The following PCLO variants were observed in gnomAD, a reference collection of about 807,000 sequenced individuals.
PCLO encodes the protein piccolo presynaptic cytomatrix protein.
In PCLO, 82 loss-of-function variants were observed where a neutral mutation model predicts 427.5. The observed-to-expected ratio is 0.19, with a 90% CI of 0.16 to 0.23. The LOEUF is 0.23. Ranked by LOEUF, PCLO falls within the 10% of genes least tolerant of loss-of-function variation. The pLI, the probability that PCLO is intolerant of heterozygous loss-of-function variation, is 1.00. For missense variants in PCLO, 6,239 were observed against 6,115.9 expected, an observed-to-expected ratio of 1.02 and a Z score of -0.67; for synonymous variants, 2,357 against 2,155.4, an observed-to-expected ratio of 1.09 and a Z score of -2.59.
At chr7:82,929,090 A>G (rs988882413) in intron 6 of PCLO, among the ~76,000 whole-genome samples, 3 of 152,146 alleles carry the variant, frequency 2.0e-5, no homozygotes, top group African/African-American at 7.2e-5. Context: ...TCTAAGGGTC[A>G]AGAGCAAGAA....
chr7:82,955,459 G>A lies in PCLO; in HGVS notation c.5494C>T (p.Pro1832Ser). The change falls in exon 5 of 25, where the codon CCC becomes TCC. Residue 1832 changes from proline (P) to serine (S), a missense_variant. This residue lies in a region of PCLO where 4,677 missense variants were observed against 4,468.4 expected (regional missense o/e 1.05). Coordinates refer to ENST00000333891, the MANE Select transcript of PCLO (RefSeq NM_033026.6). The stretch of plus-strand genomic sequence containing the variant: ...TCTGTCGGAGATGCATCTTCAATGG[G>A]AGAGAGATTACTAGGTGGTGTCTTT... ...RPKTPPSNLS[P>S]IEDASPTEEL... 1.9e-6 allele frequency: 3 copies of A among 1,613,614 alleles called. No homozygotes were observed. Among genetic ancestry groups the A allele is most frequent in the South Asian group, 1.1e-5 (1 of 90,984 alleles).
In PCLO at chr7:82,950,732, A is replaced by G. The variant is rs749093553; in HGVS notation, c.9856T>C (p.Leu3286=). 3.8e-5 allele frequency: 62 copies of G among 1,613,616 alleles called. No homozygotes were observed. The highest frequency in any genetic ancestry group is 3.7e-4 in the Admixed American group (22 of 59,976). Residue 3286 remains leucine, a synonymous_variant, in exon 6 of 25, where the codon TTA becomes CTA. Coordinates refer to ENST00000333891, the MANE Select transcript of PCLO (RefSeq NM_033026.6). ...TCAAGCTGTAACTGTTGCTGAGCTA[A>G]CGTCTCCTGCCTCATCATGAACTGG... ...QAQFMMRQET[L]AQQQLQLEQI... is the part of the protein sequence containing the mutation.
chr7:82,837,977 G>A (rs888724634), intron 15 of PCLO, among the ~76,000 whole-genome samples: 3 of 151,920 alleles, frequency 2.0e-5, no homozygotes, highest in African/African-American at 7.2e-5. Context: ...TTGAAAGGCT[G>A]ATTTGCTCTC....
In PCLO at chr7:82,965,935, C is replaced by T. The variant is rs367853005; in HGVS notation, c.3853G>A (p.Val1285Met). The T allele has an allele frequency of 5.6e-6, 9 of 1,613,786 alleles. No homozygotes were observed. In the African/African-American group the frequency reaches 1.1e-4, roughly 19 times the overall value. Reference protein sequence around the residue: ...KLEGRVAPKTVQEGKQPQTKM... With the variant: ...KLEGRVAPKTMQEGKQPQTKM... ...GTCTGTGGTTGTTTCCCTTCTTGCA[C>T]TGTCTTTGGAGCCACTCTGCCTTCA... Residue 1285 changes from valine to methionine, a missense_variant, in exon 4 of 25, where the codon GTG becomes ATG. Around this residue, in one of 5 missense-constraint regions of PCLO, gnomAD observed 4,677 missense variants for 4,468.4 expected, o/e 1.05. Coordinates refer to ENST00000333891, the MANE Select transcript of PCLO (RefSeq NM_033026.6).
rs1344183459 is a variant in PCLO at position 82,915,719 on chromosome 7, T to C, written c.12267A>G (p.Gln4089=). ...LLRTTETRRS[Q]EVTDFLAPLQ... ...AAGGTGCTAGGAAATCTGTCACTTCTTGAGACCGGCGTGTCTCAGTGGTTC... is the reference window on the plus strand; with the variant it reads ...AAGGTGCTAGGAAATCTGTCACTTCCTGAGACCGGCGTGTCTCAGTGGTTC... Residue 4089 remains glutamine, a synonymous_variant, in exon 7 of 25, where the codon CAA becomes CAG. Coordinates refer to ENST00000333891, the MANE Select transcript of PCLO (RefSeq NM_033026.6). The C allele has an allele frequency of 2.5e-6, 4 of 1,612,504 alleles. No individual in the cohort carries two copies. Among genetic ancestry groups the C allele is most frequent in the South Asian group, 1.1e-5 (1 of 90,988 alleles).
In PCLO at chr7:82,950,765, G is replaced by A. The variant is rs564276746; in HGVS notation, c.9823C>T (p.Arg3275Trp). ...TGCCTCATCATGAACTGGGCTTGCC[G>A]CTCTTCTTCTTGCTGAAAGAGAAGG... ...QHLLFQQEEE[R>W]QAQFMMRQET... The change falls in exon 6 of 25, where the codon CGG becomes TGG. Residue 3275 changes from arginine (R) to tryptophan (W), a missense_variant. By Grantham distance (101) the Arg-to-Trp change is moderately radical. Transcript: ENST00000333891. 23 of 1,613,750 alleles carry A rather than the reference G, an allele frequency of 1.4e-5. No individual in the cohort carries two copies. Among genetic ancestry groups the A allele is most frequent in the East Asian group, 4.5e-5 (2 of 44,836 alleles).
intron 3 of PCLO, among the ~76,000 whole-genome samples, chr7:82,974,986 C>T (rs1583861153): frequency 6.6e-6 from 1 of 152,116 alleles, no homozygotes; most frequent in East Asian, 1.9e-4. Context: ...ACCGTATTAG[C>T]CAGGATTGTC....
chr7:82,902,580 A>G, intron 9 of PCLO, 71 bp downstream of exon 9: 1 of 844,462 alleles, frequency 1.2e-6, no homozygotes, highest in Non-Finnish European at 1.9e-6. Flanking sequence ...GTATAATAAT[A>G]AAAAAATGCA....
In PCLO at chr7:83,155,517, T is replaced by TGAGCTGCAGGCTTAGCAGGACCAAGAG. The variant is rs758399155; in HGVS notation, c.1123_1124insCTCTTGGTCCTGCTAAGCCTGCAGCTC (p.Gln374_Gln375insProLeuGlyProAlaLysProAlaAla). 1 of 1,606,840 alleles carries TGAGCTGCAGGCTTAGCAGGACCAAGAG rather than the reference T, an allele frequency of 6.2e-7. No homozygotes were observed. The highest frequency in any genetic ancestry group is 1.3e-5 in the African/African-American group (1 of 74,824). The stretch of plus-strand genomic sequence containing the variant: ...CGATGAAGGCTTCTCTGACCCAGTC[T>TGAGCTGCAGGCTTAGCAGGACCAAGAG]GCTGAGCTGGAGGCTTAGCAGGACC... On this transcript the variant is annotated inframe_insertion, in exon 2 of 25. Transcript: ENST00000333891.
At chr7:82,926,816 A>C (rs1399228101) in intron 6 of PCLO, among the ~76,000 whole-genome samples, 1 of 152,128 alleles carries the variant, frequency 6.6e-6, no homozygotes, top group Non-Finnish European at 1.5e-5. Context: ...AATATTTTGG[A>C]AGGCCCTTTC....
chr7:83,110,346 C>T (rs1320987380), intron 3 of PCLO, among the ~76,000 whole-genome samples: 3 of 151,922 alleles, frequency 2.0e-5, no homozygotes, highest in Non-Finnish European at 2.9e-5. Context: ...TATAATACAG[C>T]TATTAATATG....
At chr7:83,156,684 T>A (rs1312990249) in intron 1 of PCLO, among the ~76,000 whole-genome samples, 1 of 151,806 alleles carries the variant, frequency 6.6e-6, no homozygotes, top group African/African-American at 2.4e-5. Flanking sequence ...AAAAGTAATT[T>A]ACCTTTGCAC....
chr7:82,776,826 C>A (rs138048308), intron 22 of PCLO, among the ~76,000 whole-genome samples: 4,414 of 64,650 alleles, frequency 0.068, 145 homozygotes, highest in African/African-American at 0.17. Context: ...CTCTCTCTCT[C>A]TCTATATATA....
At chr7:82,996,871 T>A (rs181282810) in intron 3 of PCLO, among the ~76,000 whole-genome samples, 1 of 152,102 alleles carries the variant, frequency 6.6e-6, no homozygotes, top group East Asian at 1.9e-4. Context: ...GAAAACATTT[T>A]AATAAATAAG....
rs545129404 is a variant in PCLO, at chr7:82,973,259, G to T, written c.3301-6772C>A. Among the ~76,000 whole-genome samples, 30 of 152,078 alleles carry T rather than the reference G, an allele frequency of 2.0e-4. 1 individual carries two copies. In the East Asian group the frequency reaches 5.8e-3, roughly 29 times the overall value. ...AAAAAATAAATGAAATGTGTGTCAG[G>T]TCCTTTTATCATTATATTCTTTTAC... On this transcript the variant is annotated intron_variant, in intron 3 of 24. Transcript: ENST00000333891.
intron 1 of PCLO, among the ~76,000 whole-genome samples, chr7:83,158,241 C>T (rs1010141284): frequency 2.0e-5 from 3 of 152,010 alleles, no homozygotes; most frequent in Non-Finnish European, 2.9e-5. Context: ...AAGTGTTACC[C>T]TAGTTAATTC....
intron 3 of PCLO, among the ~76,000 whole-genome samples, chr7:83,080,278 A>G (rs1425846145): frequency 7.2e-5 from 11 of 152,104 alleles, no homozygotes; most frequent in Admixed American, 6.6e-5. Flanking sequence ...CTGGTTCTAG[A>G]TATCTGAGGA....
chr7:82,898,325 T>C (rs1416381683), intron 9 of PCLO, among the ~76,000 whole-genome samples: 7 of 151,488 alleles, frequency 4.6e-5, no homozygotes, highest in Non-Finnish European at 7.4e-5. Context: ...CCCATTGACA[T>C]TACTTTGAGA....
At chr7:83,051,739 T>C (rs190540323) in intron 3 of PCLO, among the ~76,000 whole-genome samples, 1 of 152,184 alleles carries the variant, frequency 6.6e-6, no homozygotes, top group African/African-American at 2.4e-5. Context: ...TGACCCAGAA[T>C]AGCCATCAGA....
Sources: gnomAD v4.1 joint callset for allele counts (sites outside exome capture counted in the v4.1 genomes callset) on GRCh38, gnomAD v4.1.1 for gene constraint, gnomAD v4.1.1 regional missense constraint, MANE v1.5 for transcripts, NCBI Gene and HGNC (gene_info 2026-07-23, HGNC 2026-07-21) for gene names.